MGAT4C: variants seen among roughly 807,000 people sequenced by gnomAD.
MGAT4C encodes alpha-1,3-mannosyl-glycoprotein 4-beta-N-acetylglucosaminyltransferase C.
MGAT4C carries 19 observed loss-of-function variants against 40.1 expected under a neutral mutation model. The observed-to-expected ratio is 0.47, with a 90% CI of 0.33 to 0.70. MGAT4C has a LOEUF of 0.70. Ranked by LOEUF, MGAT4C falls within the 30% of genes least tolerant of loss-of-function variation. MGAT4C has a pLI of 0.02. For missense variants in MGAT4C, 491 were observed against 563.2 expected (o/e 0.87, Z 1.30); for synonymous variants, 181 against 187.1 (o/e 0.97, Z 0.27).
upstream of MGAT4C, among the ~76,000 whole-genome samples, chr12:86,256,849 A>G (rs114976976): frequency 8.8e-3 from 1,344 of 152,252 alleles, 23 homozygotes; most frequent in African/African-American, 0.029. Flanking sequence ...AAAAATTATA[A>G]TGTAGTCAAT....
At chr12:86,185,555 C>A (rs181253856) in intron 1 of MGAT4C, among the ~76,000 whole-genome samples, 66 of 152,178 alleles carry the variant, frequency 4.3e-4, no homozygotes, top group African/African-American at 1.5e-3. Context: ...CAAAAAAGAG[C>A]ATAGTTTCAA....
chr12:86,454,261 C>G (rs921889321), intron 2 of MGAT4C, among the ~76,000 whole-genome samples: 1 of 151,702 alleles, frequency 6.6e-6, no homozygotes, highest in Non-Finnish European at 1.5e-5. Flanking sequence ...AGGGTCTCAC[C>G]CTGTTGTCCA....
At chr12:86,093,895 C>T (rs900682968) in intron 1 of MGAT4C, among the ~76,000 whole-genome samples, 2 of 152,174 alleles carry the variant, frequency 1.3e-5, no homozygotes, top group Non-Finnish European at 2.9e-5. Context: ...TTAGTTGCTA[C>T]TATTTCTGTG....
At chr12:86,137,878 A>G (rs1043885649) in intron 1 of MGAT4C, among the ~76,000 whole-genome samples, 1 of 152,128 alleles carries the variant, frequency 6.6e-6, no homozygotes, top group South Asian at 2.1e-4. Context: ...CAAATACCCT[A>G]TGAGAGTATA....
At chr12:86,347,170 T>A (rs1955054951) in intron 3 of MGAT4C, among the ~76,000 whole-genome samples, 1 of 152,168 alleles carries the variant, frequency 6.6e-6, no homozygotes, top group African/African-American at 2.4e-5. Flanking sequence ...CAATTCTCCA[T>A]AACAAACTCC....
chr12:86,331,290 C>G (rs1334300500), intron 4 of MGAT4C, among the ~76,000 whole-genome samples: 1 of 152,072 alleles, frequency 6.6e-6, no homozygotes, highest in Non-Finnish European at 1.5e-5. Flanking sequence ...TCTGCCTGCA[C>G]AGTGGCCTGC....
intron 1 of MGAT4C, among the ~76,000 whole-genome samples, chr12:86,169,904 T>G (rs982524205): frequency 6.6e-6 from 1 of 152,198 alleles, no homozygotes; most frequent in Non-Finnish European, 1.5e-5. Flanking sequence ...GCATATTTAA[T>G]GGTATCCTCA....
chr12:86,342,732 C>A (rs1199905356), intron 3 of MGAT4C, among the ~76,000 whole-genome samples: 1 of 152,168 alleles, frequency 6.6e-6, no homozygotes, highest in Non-Finnish European at 1.5e-5. Flanking sequence ...AGCCACTGCT[C>A]CCAGCCATGG....
In MGAT4C at chr12:86,768,077, A is replaced by G. The variant is rs372706956; in HGVS notation, c.-261-40836T>C. On this transcript the variant is annotated intron_variant, in intron 1 of 7. Transcript: ENST00000548651. ...AATTAGGAAAAGAGGAAGTCAAATT[A>G]TCCCTGTTTGCAGATGACATGATTG... Among the ~76,000 whole-genome samples the G allele has an allele frequency of 3.9e-5, 6 of 152,178 alleles. No homozygotes were observed. In the East Asian group the frequency reaches 7.7e-4, roughly 20 times the overall value.
chr12:86,154,831 CCA>C (rs1470981198), intron 1 of MGAT4C, among the ~76,000 whole-genome samples: 1 of 152,038 alleles, frequency 6.6e-6, no homozygotes, highest in African/African-American at 2.4e-5. Context: ...TGAGAGCTTC[CCA>C]CGTGCCTGAT....
intron 1 of MGAT4C, among the ~76,000 whole-genome samples, chr12:86,807,707 G>A (rs904989647): frequency 7.2e-5 from 11 of 152,076 alleles, no homozygotes; most frequent in Non-Finnish European, 1.5e-4. Context: ...CCGCACTGTC[G>A]TCCATAATGG....
At chr12:86,109,584 T>C (rs747594243) in intron 1 of MGAT4C, among the ~76,000 whole-genome samples, 4 of 152,082 alleles carry the variant, frequency 2.6e-5, no homozygotes, top group Non-Finnish European at 5.9e-5. Context: ...ATCACTATTA[T>C]TCTGATTCAT....
At chr12:86,601,543 C>T (rs1166956337) in intron 2 of MGAT4C, among the ~76,000 whole-genome samples, 1 of 152,100 alleles carries the variant, frequency 6.6e-6, no homozygotes, top group African/African-American at 2.4e-5. Flanking sequence ...AAAGCTCTTC[C>T]CCACCTTGCT....
At chr12:86,745,761 G>T (rs1208440028) in intron 1 of MGAT4C, among the ~76,000 whole-genome samples, 1 of 151,570 alleles carries the variant, frequency 6.6e-6, no homozygotes, top group Non-Finnish European at 1.5e-5. Flanking sequence ...AATTTAAACT[G>T]AGAGTCCCTG....
intron 1 of MGAT4C, among the ~76,000 whole-genome samples, chr12:86,801,956 A>G (rs1040887740): frequency 4.6e-5 from 7 of 151,814 alleles, no homozygotes; most frequent in African/African-American, 9.7e-5. Flanking sequence ...AAACTGGCCC[A>G]TTGTTTTCTA....
At chr12:86,338,476 G>C (rs1212896674) in intron 3 of MGAT4C, among the ~76,000 whole-genome samples, 1 of 152,220 alleles carries the variant, frequency 6.6e-6, no homozygotes, top group South Asian at 2.1e-4. Context: ...TACAAAGGCA[G>C]TTGAGTTCCC....
intron 1 of MGAT4C, among the ~76,000 whole-genome samples, chr12:86,802,028 A>G (rs76687701): frequency 6.6e-6 from 1 of 151,800 alleles, no homozygotes; most frequent in Non-Finnish European, 1.5e-5. Context: ...GTCAGCCACT[A>G]TTAGGAACTT....
intron 2 of MGAT4C, among the ~76,000 whole-genome samples, chr12:86,599,036 A>T (rs1209136673): frequency 6.6e-6 from 1 of 152,296 alleles, no homozygotes; most frequent in African/African-American, 2.4e-5. Flanking sequence ...ATACAAAAAT[A>T]GTATAAGTAC....
At chr12:86,012,285 C>T (rs1210543491) in intron 2 of MGAT4C, among the ~76,000 whole-genome samples, 1 of 152,202 alleles carries the variant, frequency 6.6e-6, no homozygotes, top group African/African-American at 2.4e-5. Context: ...AGCTTCATCA[C>T]AAGTTTCTGA....
Sources: gnomAD v4.1 joint callset for allele counts (sites outside exome capture counted in the v4.1 genomes callset) on GRCh38, gnomAD v4.1.1 for gene constraint, MANE v1.5 for transcripts, NCBI Gene and HGNC (gene_info 2026-07-23, HGNC 2026-07-21) for gene names.